Variants in CFAP210 observed in about 807,000 individuals in gnomAD.
The protein encoded by CFAP210 is cilia and flagella associated protein 210.
chr2:169,660,604 ATTTTT>A, the CFAP210 span, among the ~76,000 whole-genome samples: 5 of 121,668 alleles, frequency 4.1e-5, no homozygotes, highest in East Asian at 1.0e-3. Flanking sequence ...ATATATATAT[ATTTTT>A]TTTTTTTTCT....
At chr2:169,650,410 A>C in the CFAP210 span, 1 of 1,604,818 alleles carries the variant, frequency 6.2e-7, no homozygotes, top group Non-Finnish European at 8.5e-7. Flanking sequence ...TTTCCCATTC[A>C]GCCTCAGCTT....
At chr2:169,654,272 T>G in the CFAP210 span, 2 of 1,422,030 alleles carry the variant, frequency 1.4e-6, no homozygotes, top group African/African-American at 2.9e-5. Flanking sequence ...TTTCAACATA[T>G]CAGTAGCTAA....
chr2:169,680,398 G>A, the CFAP210 span, among the ~76,000 whole-genome samples: 3 of 152,150 alleles, frequency 2.0e-5, no homozygotes, highest in African/African-American at 4.8e-5. Context: ...TATTCTACAC[G>A]AAGATATTTA....
At chr2:169,670,264 T>C in the CFAP210 span, among the ~76,000 whole-genome samples, 1 of 152,064 alleles carries the variant, frequency 6.6e-6, no homozygotes, top group East Asian at 1.9e-4. Flanking sequence ...TCCCTCTATT[T>C]TGGGATTTTG....
At chr2:169,690,166 C>G in the CFAP210 span, among the ~76,000 whole-genome samples, 61,946 of 151,870 alleles carry the variant, frequency 0.41, 12,920 homozygotes, top group Non-Finnish European at 0.44. Flanking sequence ...ACATCTAGCT[C>G]ATGTGCTAAA....
the CFAP210 span, among the ~76,000 whole-genome samples, chr2:169,686,263 A>C: frequency 4.6e-5 from 7 of 152,120 alleles, no homozygotes; most frequent in South Asian, 6.2e-4. Context: ...TCAGATTCAA[A>C]ATTGTTTTAG....
At chr2:169,686,828 A>C in the CFAP210 span, among the ~76,000 whole-genome samples, 5 of 152,300 alleles carry the variant, frequency 3.3e-5, no homozygotes, top group Non-Finnish European at 7.4e-5. Context: ...CCATCTTAAC[A>C]ATACTAAATC....
chr2:169,670,353 T>C, the CFAP210 span, among the ~76,000 whole-genome samples: 1 of 152,134 alleles, frequency 6.6e-6, no homozygotes, highest in African/African-American at 2.4e-5. Context: ...CTTATACTAG[T>C]CAAAGCCCCA....
chr2:169,670,234 T>C, the CFAP210 span, among the ~76,000 whole-genome samples: 1 of 152,146 alleles, frequency 6.6e-6, no homozygotes, highest in African/African-American at 2.4e-5. Flanking sequence ...AATAATTATG[T>C]GTAAGATTCC....
At chr2:169,648,846 C>G in the CFAP210 span, among the ~76,000 whole-genome samples, 8 of 152,126 alleles carry the variant, frequency 5.3e-5, no homozygotes, top group African/African-American at 1.7e-4. Context: ...AATCTGAAAC[C>G]TATGAGATCG....
the CFAP210 span, among the ~76,000 whole-genome samples, chr2:169,664,048 A>G: frequency 6.7e-6 from 1 of 149,204 alleles, no homozygotes; most frequent in African/African-American, 2.5e-5. Flanking sequence ...AAAAAAAAAA[A>G]TTTGGCCGGA....
At chr2:169,652,547 C>T in the CFAP210 span, among the ~76,000 whole-genome samples, 1 of 151,994 alleles carries the variant, frequency 6.6e-6, no homozygotes, top group Non-Finnish European at 1.5e-5. Context: ...GGCTACAGGG[C>T]ACTGTGATCA....
the CFAP210 span, among the ~76,000 whole-genome samples, chr2:169,657,076 C>T: frequency 6.6e-6 from 1 of 151,022 alleles, no homozygotes; most frequent in Non-Finnish European, 1.5e-5. Flanking sequence ...CACCCCTGCA[C>T]TTTAAACCTG....
At chr2:169,670,991 G>A in the CFAP210 span, among the ~76,000 whole-genome samples, 1 of 152,176 alleles carries the variant, frequency 6.6e-6, no homozygotes, top group African/African-American at 2.4e-5. Flanking sequence ...TGCAAAAAGA[G>A]ACTTGCCCCT....
At chr2:169,645,640 CTT>C in the CFAP210 span, 27 of 529,482 alleles carry the variant, frequency 5.1e-5, no homozygotes, top group Middle Eastern at 1.0e-3. Flanking sequence ...AAAAAGTAAA[CTT>C]GTGTATTTTA....
chr2:169,678,786 C>T, the CFAP210 span, among the ~76,000 whole-genome samples: 2 of 151,942 alleles, frequency 1.3e-5, no homozygotes, highest in African/African-American at 2.4e-5. Context: ...GATCACACCA[C>T]TGCACTCCAG....
At chr2:169,687,930 T>A in the CFAP210 span, among the ~76,000 whole-genome samples, 1 of 152,142 alleles carries the variant, frequency 6.6e-6, no homozygotes, top group Non-Finnish European at 1.5e-5. Context: ...TAGGTGGAGG[T>A]TCCCAAACCT....
chr2:169,672,466 A>G, the CFAP210 span, among the ~76,000 whole-genome samples: 1 of 152,222 alleles, frequency 6.6e-6, no homozygotes, highest in Admixed American at 6.5e-5. Flanking sequence ...CGTAGTGTTC[A>G]GTCGGAGTCC....
the CFAP210 span, chr2:169,674,767 C>A: frequency 6.4e-7 from 1 of 1,553,000 alleles, no homozygotes. Context: ...GAAGAAGTCC[C>A]GACTACAAAA....
Sources: gnomAD v4.1 joint callset for allele counts (sites outside exome capture counted in the v4.1 genomes callset) on GRCh38, gnomAD v4.1.1 for gene constraint, MANE v1.5 for transcripts, NCBI Gene and HGNC (gene_info 2026-07-23, HGNC 2026-07-21) for gene names.